Variants in BAZ2B observed in about 807,000 individuals in gnomAD.
BAZ2B encodes the protein bromodomain adjacent to zinc finger domain 2B.
BAZ2B carries 91 observed loss-of-function variants against 246.0 expected under a neutral mutation model. The observed-to-expected ratio is 0.37, with a 90% CI of 0.31 to 0.44. The LOEUF is 0.44. BAZ2B is among the 20% of genes least tolerant of loss of function. BAZ2B has a pLI of 1.00. For missense variants in BAZ2B, 2,332 were observed against 2,533.7 expected (o/e 0.92, Z 1.71); for synonymous variants, 855 against 860.0 (o/e 0.99, Z 0.10).
intron 36 of BAZ2B, among the ~76,000 whole-genome samples, chr2:159,324,370 A>T (rs2063143866): frequency 6.6e-6 from 1 of 152,140 alleles, no homozygotes; most frequent in South Asian, 2.1e-4. Context: ...CTATTTCTAC[A>T]TTGTGATAAT....
intron 2 of BAZ2B, among the ~76,000 whole-genome samples, chr2:159,555,273 T>C (rs2088948725): frequency 6.6e-6 from 1 of 151,978 alleles, no homozygotes; most frequent in African/African-American, 2.4e-5. Context: ...GTATTTTTAG[T>C]AGAGTCGGGG....
the BAZ2B span, among the ~76,000 whole-genome samples, chr2:159,678,966 G>C: frequency 1.3e-5 from 2 of 152,164 alleles, no homozygotes; most frequent in African/African-American, 4.8e-5. Flanking sequence ...ATGACTTTGA[G>C]ACTCACTACT....
intron 27 of BAZ2B, among the ~76,000 whole-genome samples, chr2:159,369,390 A>G (rs2060573883): frequency 6.6e-6 from 1 of 152,196 alleles, no homozygotes; most frequent in South Asian, 2.1e-4. Flanking sequence ...GGCTAAGTAC[A>G]TATTTAACTA....
intron 2 of BAZ2B, among the ~76,000 whole-genome samples, chr2:159,535,772 C>A (rs1446024022): frequency 6.6e-6 from 1 of 152,130 alleles, no homozygotes; most frequent in Non-Finnish European, 1.5e-5. Context: ...TAACATTTTA[C>A]TAAAATAAAA....
chr2:159,539,132 T>C (rs1157759850), intron 2 of BAZ2B, among the ~76,000 whole-genome samples: 1 of 152,190 alleles, frequency 6.6e-6, no homozygotes, highest in East Asian at 1.9e-4. Flanking sequence ...ATGCTTTCTA[T>C]AGTCAAAAAA....
intron 34 of BAZ2B, among the ~76,000 whole-genome samples, chr2:159,328,782 C>A (rs13002736): frequency 0.65 from 98,652 of 152,084 alleles, 33,361 homozygotes; most frequent in Admixed American, 0.76. Flanking sequence ...ATAAGTGGCC[C>A]TCCATATCTG....
intron 34 of BAZ2B, among the ~76,000 whole-genome samples, chr2:159,327,258 C>A (rs1263905442): frequency 6.6e-6 from 1 of 152,088 alleles, no homozygotes; most frequent in Non-Finnish European, 1.5e-5. Context: ...GAAAAACAGT[C>A]CTTTGGAGTA....
At chr2:159,394,562 T>C (rs1319166296) in intron 20 of BAZ2B, among the ~76,000 whole-genome samples, 1 of 152,144 alleles carries the variant, frequency 6.6e-6, no homozygotes, top group African/African-American at 2.4e-5. Flanking sequence ...CAGAAAGTGA[T>C]TGTTGTAATA....
the BAZ2B span, among the ~76,000 whole-genome samples, chr2:159,623,077 AAGGGAGAGGGG>A: frequency 4.2e-5 from 6 of 143,312 alleles, no homozygotes; most frequent in East Asian, 4.5e-4. Flanking sequence ...AAGAGAAGGG[AAGGGAGAGGGG>A]AGGGAGAGGG....
intron 27 of BAZ2B, among the ~76,000 whole-genome samples, chr2:159,350,847 A>T (rs967149924): frequency 6.6e-6 from 1 of 151,304 alleles, no homozygotes; most frequent in African/African-American, 2.4e-5. Context: ...TGCAGGGATA[A>T]CAGGCATGAG....
chr2:159,552,572 C>T (rs993923918), intron 2 of BAZ2B, among the ~76,000 whole-genome samples: 5 of 152,180 alleles, frequency 3.3e-5, no homozygotes, highest in African/African-American at 1.2e-4. Flanking sequence ...AGTCACATCG[C>T]TAGTACACAG....
chr2:159,379,439 AAC>A (rs1341586198), intron 25 of BAZ2B, among the ~76,000 whole-genome samples: 2 of 152,148 alleles, frequency 1.3e-5, no homozygotes, highest in African/African-American at 4.8e-5. Flanking sequence ...CATAGTTACC[AAC>A]AGTGTATACT....
intron 2 of BAZ2B, among the ~76,000 whole-genome samples, chr2:159,532,553 T>C (rs1470431945): frequency 1.3e-5 from 2 of 152,172 alleles, no homozygotes; most frequent in African/African-American, 2.4e-5. Context: ...TGTACAGTGA[T>C]AGGAAGTGTG....
At chr2:159,632,249 T>C in the BAZ2B span, among the ~76,000 whole-genome samples, 1 of 152,306 alleles carries the variant, frequency 6.6e-6, no homozygotes, top group East Asian at 1.9e-4. Context: ...TTGAGTTAAC[T>C]AACAGACTGC....
At chr2:159,351,565 T>G (rs1336892116) in intron 27 of BAZ2B, among the ~76,000 whole-genome samples, 1 of 152,150 alleles carries the variant, frequency 6.6e-6, no homozygotes, top group East Asian at 1.9e-4. Context: ...GATGAATATA[T>G]ACTCATATTA....
intron 31 of BAZ2B, among the ~76,000 whole-genome samples, chr2:159,345,263 C>A (rs113293804): frequency 3.3e-5 from 5 of 151,450 alleles, no homozygotes; most frequent in African/African-American, 9.7e-5. Flanking sequence ...AATAAGTTCT[C>A]GTGCTCTATA....
At chr2:159,428,253 T>G (rs1174957927) in intron 12 of BAZ2B, 58 bp downstream of exon 12, 4 of 1,427,628 alleles carry the variant, frequency 2.8e-6, no homozygotes, top group South Asian at 2.4e-5. Context: ...ACTTTTTTTT[T>G]GTACATGATC....
chr2:159,371,201 G>T (rs2060816236), intron 27 of BAZ2B, among the ~76,000 whole-genome samples: 1 of 151,992 alleles, frequency 6.6e-6, no homozygotes, highest in Non-Finnish European at 1.5e-5. Flanking sequence ...GGAGTGCAGT[G>T]GTGCACTCTT....
intron 6 of BAZ2B, among the ~76,000 whole-genome samples, chr2:159,446,407 C>T (rs1319640487): frequency 6.6e-6 from 1 of 152,182 alleles, no homozygotes; most frequent in Non-Finnish European, 1.5e-5. Context: ...TTCTTATTCA[C>T]TCTTTTCTAA....
Sources: allele counts gnomAD v4.1 joint callset (sites outside exome capture counted in the v4.1 genomes callset), GRCh38; gene constraint gnomAD v4.1.1; transcripts MANE v1.5; gene names NCBI Gene and HGNC (gene_info 2026-07-23, HGNC 2026-07-21).